The following NTRK3 variants were observed in gnomAD, a reference collection of about 807,000 sequenced individuals.
NTRK3 encodes neurotrophic receptor tyrosine kinase 3, also known as NT-3 growth factor receptor.
In NTRK3, 24 loss-of-function variants were observed where a neutral mutation model predicts 91.7. The ratio of observed to expected loss-of-function variants is 0.26; its 90% CI spans 0.19 to 0.37. NTRK3 has a LOEUF of 0.37. Ranked by LOEUF, NTRK3 falls within the 10% of genes least tolerant of loss-of-function variation. NTRK3 has a pLI of 1.00. For missense variants in NTRK3, 880 were observed against 1,068.9 expected, an observed-to-expected ratio of 0.82 and a Z score of 2.46; for synonymous variants, 483 against 404.0, an observed-to-expected ratio of 1.20 and a Z score of -2.34.
At chr15:88,101,987 C>G (rs935977252) in intron 13 of NTRK3, among the ~76,000 whole-genome samples, 8 of 151,870 alleles carry the variant, frequency 5.3e-5, no homozygotes, top group African/African-American at 1.9e-4. Flanking sequence ...GCACGTTGTA[C>G]ACATGTACCC....
intron 3 of NTRK3, among the ~76,000 whole-genome samples, chr15:88,227,716 G>A (rs758594890): frequency 1.1e-4 from 16 of 152,058 alleles, no homozygotes; most frequent in Non-Finnish European, 1.6e-4. Flanking sequence ...TAACACACCT[G>A]GTAACCAAAC....
intron 14 of NTRK3, among the ~76,000 whole-genome samples, chr15:87,995,105 T>C (rs2075592267): frequency 6.6e-6 from 1 of 152,180 alleles, no homozygotes; most frequent in Non-Finnish European, 1.5e-5. Context: ...GTCACATAGG[T>C]TTAGGAGAAC....
chr15:87,881,240 G>A (rs909723825), intron 17 of NTRK3, among the ~76,000 whole-genome samples: 9 of 152,164 alleles, frequency 5.9e-5, no homozygotes, highest in African/African-American at 2.2e-4. Context: ...CACAGCATGT[G>A]TGAAAACTCA....
intron 17 of NTRK3, among the ~76,000 whole-genome samples, chr15:87,902,703 A>G (rs2066524681): frequency 6.6e-6 from 1 of 152,184 alleles, no homozygotes; most frequent in Non-Finnish European, 1.5e-5. Flanking sequence ...CTTAAGGTAG[A>G]GAGTTTTCTG....
intron 3 of NTRK3, among the ~76,000 whole-genome samples, chr15:88,245,520 C>G (rs977989452): frequency 6.6e-6 from 1 of 152,152 alleles, no homozygotes; most frequent in African/African-American, 2.4e-5. Context: ...GTTCGGGATG[C>G]AGGAATTGGT....
At chr15:88,242,636 G>A (rs2052460582) in intron 3 of NTRK3, among the ~76,000 whole-genome samples, 1 of 152,164 alleles carries the variant, frequency 6.6e-6, no homozygotes. Flanking sequence ...GCTCAGCATG[G>A]GTCTGGCCCA....
intron 13 of NTRK3, among the ~76,000 whole-genome samples, chr15:88,086,852 C>T (rs1187299568): frequency 1.3e-5 from 2 of 152,206 alleles, no homozygotes; most frequent in Non-Finnish European, 2.9e-5. Context: ...TGGAAGTATG[C>T]AGCTCTCCAC....
At chr15:88,025,625 G>A (rs2077967779) in intron 14 of NTRK3, among the ~76,000 whole-genome samples, 1 of 152,186 alleles carries the variant, frequency 6.6e-6, no homozygotes, top group African/African-American at 2.4e-5. Context: ...ACTAGGAAGA[G>A]GAAAGGAAGG....
At chr15:88,127,330 G>A in intron 11 of NTRK3, 104 bp from the exon 12 acceptor site, 1 of 913,674 alleles carries the variant, frequency 1.1e-6, no homozygotes, top group Non-Finnish European at 1.8e-6. Context: ...ACTTCCCCCT[G>A]CAGAACATCC....
chr15:87,929,095 T>C (rs968499066), intron 17 of NTRK3, 96 bp downstream of exon 17: 1 of 1,586,418 alleles, frequency 6.3e-7, no homozygotes, highest in African/African-American at 1.3e-5. Flanking sequence ...TGTATATGTG[T>C]GTGCCAGAGT....
chr15:88,102,866 T>A (rs2050318172), intron 13 of NTRK3, among the ~76,000 whole-genome samples: 1 of 152,186 alleles, frequency 6.6e-6, no homozygotes, highest in African/African-American at 2.4e-5. Context: ...TCAAAAGGCC[T>A]GTTGCACAAA....
At chr15:87,985,090 T>C (rs1401418068) in intron 14 of NTRK3, among the ~76,000 whole-genome samples, 2 of 152,104 alleles carry the variant, frequency 1.3e-5, no homozygotes, top group Admixed American at 6.5e-5. Context: ...CTAACAATGA[T>C]AAAGAAGTGG....
chr15:87,892,343 G>T (rs1428942588), intron 17 of NTRK3, among the ~76,000 whole-genome samples: 3 of 152,162 alleles, frequency 2.0e-5, no homozygotes, highest in Non-Finnish European at 4.4e-5. Flanking sequence ...GCTGAGAGAA[G>T]ATTGAAAGTA....
intron 13 of NTRK3, among the ~76,000 whole-genome samples, chr15:88,093,258 T>A (rs576239027): frequency 8.4e-4 from 128 of 152,170 alleles, no homozygotes; most frequent in Non-Finnish European, 1.6e-3. Context: ...ACATCTATTC[T>A]TCCTCTGGAA....
At chr15:87,918,965 G>C (rs1159899599) in intron 17 of NTRK3, among the ~76,000 whole-genome samples, 1 of 152,166 alleles carries the variant, frequency 6.6e-6, no homozygotes, top group Non-Finnish European at 1.5e-5. Context: ...AGTTCTTTCA[G>C]TCCCAGTCCA....
At chr15:88,053,176 G>A (rs1425813553) in intron 13 of NTRK3, among the ~76,000 whole-genome samples, 1 of 152,150 alleles carries the variant, frequency 6.6e-6, no homozygotes, top group Non-Finnish European at 1.5e-5. Context: ...ATAAATATAT[G>A]TCATTTGTCT....
At chr15:88,138,233 T>A (rs1041278421) in intron 6 of NTRK3, among the ~76,000 whole-genome samples, 3 of 150,212 alleles carry the variant, frequency 2.0e-5, no homozygotes, top group African/African-American at 2.5e-5. Context: ...GAAACCCCCA[T>A]CTCTACTAAA....
chr15:88,247,302 C>G (rs968901830), intron 3 of NTRK3, among the ~76,000 whole-genome samples: 2 of 152,168 alleles, frequency 1.3e-5, no homozygotes, highest in Non-Finnish European at 2.9e-5. Flanking sequence ...CGGATGGAGA[C>G]CCACACCAGC....
At chr15:87,912,343 A>C (rs1265453090) in intron 17 of NTRK3, among the ~76,000 whole-genome samples, 1 of 152,166 alleles carries the variant, frequency 6.6e-6, no homozygotes, top group Non-Finnish European at 1.5e-5. Context: ...CTCTTTAAAC[A>C]TTCTATTCAC....
Sources: gnomAD v4.1 joint callset for allele counts (sites outside exome capture counted in the v4.1 genomes callset) on GRCh38, gnomAD v4.1.1 for gene constraint, MANE v1.5 for transcripts, NCBI Gene and HGNC (gene_info 2026-07-23, HGNC 2026-07-21) for gene names.